The following SGCZ variants were observed in gnomAD, a reference collection of about 807,000 sequenced individuals.
The protein encoded by SGCZ is zeta-sarcoglycan.
Under a neutral mutation model 41.3 loss-of-function variants are expected in SGCZ, and 40 were observed. The ratio of observed to expected loss-of-function variants is 0.97; its 90% CI spans 0.75 to 1.26. SGCZ has a LOEUF of 1.26. Ranked by LOEUF, SGCZ falls within the 50% of genes most tolerant of loss-of-function variation. The pLI is 0.00. For synonymous variants in SGCZ, 206 were observed against 137.5 expected (o/e 1.50, Z -3.49); for missense variants, 552 against 369.8 (o/e 1.49, Z -4.04).
chr8:14,338,424 C>T (rs1484831134), intron 2 of SGCZ, among the ~76,000 whole-genome samples: 1 of 152,114 alleles, frequency 6.6e-6, no homozygotes, highest in Admixed American at 6.6e-5. Flanking sequence ...TGTATAGACC[C>T]AGCTGTCCCA....
At chr8:14,248,722 G>A (rs889816602) in intron 3 of SGCZ, among the ~76,000 whole-genome samples, 1 of 148,688 alleles carries the variant, frequency 6.7e-6, no homozygotes, top group African/African-American at 2.5e-5. Flanking sequence ...TTTCATTTAT[G>A]ATAATTACAT....
chr8:14,368,756 G>C (rs767257925), intron 2 of SGCZ, among the ~76,000 whole-genome samples: 1 of 151,960 alleles, frequency 6.6e-6, no homozygotes, highest in Admixed American at 6.6e-5. Context: ...CACTGTGTTG[G>C]CTGCTACAAA....
chr8:14,959,507 T>C (rs566068816), intron 1 of SGCZ, among the ~76,000 whole-genome samples: 9 of 152,314 alleles, frequency 5.9e-5, no homozygotes, highest in Non-Finnish European at 1.2e-4. Flanking sequence ...AGGATGACTT[T>C]GTTTTAAAAT....
intron 1 of SGCZ, among the ~76,000 whole-genome samples, chr8:15,065,625 G>C (rs1223007137): frequency 1.3e-5 from 2 of 151,756 alleles, no homozygotes; most frequent in African/African-American, 4.8e-5. Context: ...TTTCGGTAGA[G>C]ACAGGGTTTT....
intron 1 of SGCZ, among the ~76,000 whole-genome samples, chr8:14,789,347 A>G (rs1800874986): frequency 6.6e-6 from 1 of 152,176 alleles, no homozygotes; most frequent in Non-Finnish European, 1.5e-5. Context: ...TAATTACAAC[A>G]TTTTAATATT....
chr8:14,540,220 A>ATTTTTTT (rs11428713), intron 2 of SGCZ, among the ~76,000 whole-genome samples: 14 of 48,712 alleles, frequency 2.9e-4, no homozygotes, highest in African/African-American at 1.1e-3. Context: ...TCTCTGCTTA[A>ATTTTTTT]TTTTTTTTTT....
chr8:14,790,962 C>G (rs1464245534), intron 1 of SGCZ, among the ~76,000 whole-genome samples: 1 of 147,574 alleles, frequency 6.8e-6, no homozygotes, highest in African/African-American at 2.5e-5. Context: ...ACACGGGAGG[C>G]AAAGGTTGCA....
chr8:14,839,662 C>CT (rs1181233843), intron 1 of SGCZ, among the ~76,000 whole-genome samples: 1 of 152,118 alleles, frequency 6.6e-6, no homozygotes, highest in African/African-American at 2.4e-5. Flanking sequence ...AGTTTCTACT[C>CT]TTTTTAAGGA....
intron 3 of SGCZ, among the ~76,000 whole-genome samples, chr8:14,265,174 A>T (rs968368452): frequency 3.4e-4 from 52 of 152,168 alleles, no homozygotes; most frequent in African/African-American, 1.0e-3. Flanking sequence ...GAGATTTCAA[A>T]ATAGCTTTAA....
At chr8:14,979,286 C>T (rs183414371) in intron 1 of SGCZ, among the ~76,000 whole-genome samples, 18 of 152,282 alleles carry the variant, frequency 1.2e-4, no homozygotes, top group Non-Finnish European at 2.1e-4. Context: ...GACTGTAATA[C>T]TCACAAATTT....
At chr8:14,467,846 T>A (rs914791129) in intron 2 of SGCZ, among the ~76,000 whole-genome samples, 3 of 152,044 alleles carry the variant, frequency 2.0e-5, no homozygotes, top group Non-Finnish European at 4.4e-5. Flanking sequence ...TTAAATCAGA[T>A]CCTACTGATG....
intron 1 of SGCZ, among the ~76,000 whole-genome samples, chr8:15,111,353 C>G (rs1175294464): frequency 6.6e-6 from 1 of 152,148 alleles, no homozygotes; most frequent in Non-Finnish European, 1.5e-5. Flanking sequence ...AGGGAAAGTG[C>G]CTCGGATTGG....
chr8:14,369,548 G>A (rs916167900), intron 2 of SGCZ, among the ~76,000 whole-genome samples: 1 of 151,850 alleles, frequency 6.6e-6, no homozygotes, highest in African/African-American at 2.4e-5. Flanking sequence ...TTTCTCTACT[G>A]TAATATTATT....
chr8:14,164,470 T>C lies in SGCZ; in HGVS notation c.547+110A>G, dbSNP rs946535080. ...TTGAAGAACAAACGTTGTGATTATG[T>C]AAGACTCTACTTTAGGCATAGGAAT... On this transcript the variant is annotated intron_variant, in intron 5 of 7. Coordinates refer to ENST00000382080, the MANE Select transcript of SGCZ (RefSeq NM_139167.4). 4.5e-6 allele frequency: 6 copies of C among 1,328,952 alleles called. No homozygotes were observed. In the Admixed American group the frequency reaches 8.3e-5, roughly 18 times the overall value. 82.3% of individuals were successfully genotyped at this position (1,328,952 alleles called of 1,614,324 possible).
chr8:14,726,341 T>TAA lies in SGCZ; in HGVS notation c.40-171417_40-171416dup, dbSNP rs1554488743. Among the ~76,000 whole-genome samples the TAA allele has an allele frequency of 6.5e-4, 94 of 144,522 alleles. 2 individuals are homozygous for TAA. Among genetic ancestry groups the TAA allele is most frequent in the South Asian group, 5.0e-3 (23 of 4,638 alleles). The allele number at this position is 144,522 out of a possible 152,430, so 94.8% of individuals were successfully genotyped here. On this transcript the variant is annotated intron_variant, in intron 1 of 7. Transcript: ENST00000382080. ...ATATATATCTATATATATATATATA[T>TAA]AAAATTAGATAGGATTTTAAAATTT...
At chr8:14,580,503 T>C (rs1804852018) in intron 1 of SGCZ, among the ~76,000 whole-genome samples, 1 of 152,160 alleles carries the variant, frequency 6.6e-6, no homozygotes, top group African/African-American at 2.4e-5. Flanking sequence ...AAGGGAAATA[T>C]TTAGAGGATA....
chr8:14,192,332 T>C (rs374946115), intron 4 of SGCZ, among the ~76,000 whole-genome samples: 2 of 151,962 alleles, frequency 1.3e-5, no homozygotes, highest in Non-Finnish European at 2.9e-5. Context: ...ACAACTACCA[T>C]CAAATATTCT....
intron 2 of SGCZ, among the ~76,000 whole-genome samples, chr8:14,420,405 A>C (rs1465085352): frequency 1.3e-5 from 2 of 152,068 alleles, no homozygotes; most frequent in Admixed American, 1.3e-4. Flanking sequence ...CTCAACTCTT[A>C]TAATCTTAGC....
intron 1 of SGCZ, among the ~76,000 whole-genome samples, chr8:14,628,706 G>T (rs1201962732): frequency 6.6e-6 from 1 of 151,964 alleles, no homozygotes; most frequent in African/African-American, 2.4e-5. Context: ...ATATCAAACT[G>T]CTTTTCATTT....
Sources: gnomAD v4.1 joint callset for allele counts (sites outside exome capture counted in the v4.1 genomes callset) on GRCh38, gnomAD v4.1.1 for gene constraint, MANE v1.5 for transcripts, NCBI Gene and HGNC (gene_info 2026-07-23, HGNC 2026-07-21) for gene names.